The following CALD1 variants were observed in gnomAD, a reference collection of about 807,000 sequenced individuals.
CALD1 encodes the protein caldesmon 1.
Under a neutral mutation model 99.9 loss-of-function variants are expected in CALD1, and 33 were observed. The ratio of observed to expected loss-of-function variants is 0.33; its 90% CI spans 0.25 to 0.44. CALD1 has a LOEUF of 0.44. Ranked by LOEUF, CALD1 falls within the 20% of genes least tolerant of loss-of-function variation. The pLI is 1.00. For missense variants in CALD1, 861 were observed against 962.1 expected, an observed-to-expected ratio of 0.89 and a Z score of 1.39; for synonymous variants, 310 against 325.0, an observed-to-expected ratio of 0.95 and a Z score of 0.50.
upstream of CALD1, among the ~76,000 whole-genome samples, chr7:134,775,665 C>T (rs970599839): frequency 4.0e-5 from 6 of 151,018 alleles, no homozygotes; most frequent in East Asian, 1.2e-3. Flanking sequence ...GAGCTGAGAT[C>T]GTGCCACTGC....
intron 2 of CALD1, among the ~76,000 whole-genome samples, chr7:134,856,340 T>C (rs919457324): frequency 6.6e-6 from 1 of 152,090 alleles, no homozygotes; most frequent in Non-Finnish European, 1.5e-5. Flanking sequence ...CTAAGAGAGA[T>C]GGTGAGAAAA....
intron 1 of CALD1, among the ~76,000 whole-genome samples, chr7:134,818,177 T>C (rs1433787165): frequency 6.6e-6 from 1 of 152,222 alleles, no homozygotes; most frequent in African/African-American, 2.4e-5. Context: ...GAAAATACAA[T>C]ATTTTACTTT....
intron 1 of CALD1, among the ~76,000 whole-genome samples, chr7:134,750,945 C>T (rs1796680717): frequency 6.6e-6 from 1 of 152,134 alleles, no homozygotes. Context: ...TTATTACAGC[C>T]TATCATTTGG....
upstream of CALD1, chr7:134,779,550 T>C (rs1221653427): frequency 1.5e-5 from 6 of 396,906 alleles, no homozygotes; most frequent in Admixed American, 1.3e-4. Context: ...CTCCCGACTG[T>C]AAACATAGGG....
At position 134,784,850 on chromosome 7, in the gene CALD1, C is replaced by T. The variant is rs115288632; in HGVS notation, c.-130+5101C>T. 9.2e-5 allele frequency among the ~76,000 whole-genome samples: 14 copies of T among 152,258 alleles called. No homozygotes were observed. In the East Asian group the frequency reaches 9.6e-4, roughly 10 times the overall value. On this transcript the variant is annotated intron_variant, in intron 1 of 14. Transcript: ENST00000361675. ...TTTCCACTAGTGTGACTCAGCTCAG[C>T]GCACGTGTCTGCCTCTTTCTGTTGT...
chr7:134,760,040 G>C (rs1796762894), intron 1 of CALD1, among the ~76,000 whole-genome samples: 1 of 152,210 alleles, frequency 6.6e-6, no homozygotes, highest in Non-Finnish European at 1.5e-5. Context: ...GCAGGGGAAA[G>C]TTTGGGCAGA....
At chr7:134,779,042 G>T (rs984896618), upstream of CALD1, among the ~76,000 whole-genome samples, 8 of 152,120 alleles carry the variant, frequency 5.3e-5, no homozygotes, top group African/African-American at 1.9e-4. Flanking sequence ...AATTTAGTCT[G>T]CTCAGCAGAC....
At chr7:134,864,117 G>A (rs10232322) in intron 2 of CALD1, among the ~76,000 whole-genome samples, 29,389 of 151,968 alleles carry the variant, frequency 0.19, 3,683 homozygotes, top group African/African-American at 0.36. Context: ...TTGGGAGGCC[G>A]AGGGGAGGAT....
chr7:134,920,113 G>A (rs1804503684), intron 3 of CALD1, among the ~76,000 whole-genome samples: 1 of 152,154 alleles, frequency 6.6e-6, no homozygotes, highest in African/African-American at 2.4e-5. Flanking sequence ...CAAACATACA[G>A]TAAATCTGCA....
intron 3 of CALD1, among the ~76,000 whole-genome samples, chr7:134,882,345 A>G (rs1263449740): frequency 6.6e-6 from 1 of 152,158 alleles, no homozygotes; most frequent in Non-Finnish European, 1.5e-5. Flanking sequence ...TATCTCATGT[A>G]TTTTTTTGAT....
At position 134,796,787 on chromosome 7, in the gene CALD1, G is replaced by GTGT. The variant is rs1797760100; in HGVS notation, c.-130+17041_-130+17043dup. 2.0e-5 allele frequency among the ~76,000 whole-genome samples: 3 copies of GTGT among 152,168 alleles called. No individual in the cohort carries two copies. The South Asian group carries it at 6.2e-4, about 32-fold the overall frequency. On this transcript the variant is annotated intron_variant, in intron 1 of 14. Coordinates refer to ENST00000361675, the MANE Select transcript of CALD1 (RefSeq NM_033138.4). Reference sequence around the variant, plus strand: ...TTTTTTGTAGAGAAGGGGTCTCCCTGTGTTGCCCAGGTTGGTCTTGAACTC... The same window carrying GTGT: ...TTTTTTGTAGAGAAGGGGTCTCCCTGTGTTGTTGCCCAGGTTGGTCTTGAACTC...
chr7:134,952,342 A>C (rs1398026417), intron 9 of CALD1, among the ~76,000 whole-genome samples: 1 of 152,150 alleles, frequency 6.6e-6, no homozygotes, highest in East Asian at 1.9e-4. Context: ...CTGGATGGTT[A>C]ATTATGTACA....
At chr7:134,773,782 CTGTGTGTGTGTGTGTG>C (rs36104737) in intron 1 of CALD1, among the ~76,000 whole-genome samples, 66 of 138,744 alleles carry the variant, frequency 4.8e-4, no homozygotes, top group Admixed American at 3.4e-3. Context: ...AACCTCTCTT[CTGTGTGTGTGTGTGTG>C]TGTGTGTGTG....
At chr7:134,892,463 G>A (rs1279725660) in intron 3 of CALD1, among the ~76,000 whole-genome samples, 1 of 152,170 alleles carries the variant, frequency 6.6e-6, no homozygotes, top group Non-Finnish European at 1.5e-5. Context: ...ACACCAAATG[G>A]CCTTTCAGTA....
the CALD1 span, among the ~76,000 whole-genome samples, chr7:134,729,151 C>T: frequency 6.6e-6 from 1 of 152,154 alleles, no homozygotes; most frequent in Non-Finnish European, 1.5e-5. Context: ...CACGCCTGGC[C>T]AAAAGACATC....
chr7:134,802,110 G>GTATA (rs60652336), intron 1 of CALD1, among the ~76,000 whole-genome samples: 10 of 150,596 alleles, frequency 6.6e-5, no homozygotes, highest in Non-Finnish European at 1.0e-4. Flanking sequence ...TATGTGTGTA[G>GTATA]TATATATATA....
chr7:134,817,783 TACTC>T (rs1173779570), intron 1 of CALD1, among the ~76,000 whole-genome samples: 16 of 152,210 alleles, frequency 1.1e-4, no homozygotes, highest in Non-Finnish European at 7.4e-5. Flanking sequence ...GTAATTATCT[TACTC>T]ATTCCATTAT....
At chr7:134,815,835 TA>T (rs2131964761) in intron 1 of CALD1, among the ~76,000 whole-genome samples, 1 of 152,316 alleles carries the variant, frequency 6.6e-6, no homozygotes, top group South Asian at 2.1e-4. Context: ...AATTATCAAA[TA>T]AAACATTTTA....
intron 13 of CALD1, among the ~76,000 whole-genome samples, chr7:134,964,766 A>T (rs1347897910): frequency 6.6e-5 from 10 of 152,194 alleles, no homozygotes; most frequent in Non-Finnish European, 1.5e-4. Context: ...GACTTGTAAG[A>T]GTGCAGAAAT....
Sources: allele counts gnomAD v4.1 joint callset (sites outside exome capture counted in the v4.1 genomes callset), GRCh38; gene constraint gnomAD v4.1.1; transcripts MANE v1.5; gene names NCBI Gene and HGNC (gene_info 2026-07-23, HGNC 2026-07-21).